The following UBFD1 variants were observed in gnomAD, a reference collection of about 807,000 sequenced individuals.
UBFD1 encodes ubiquitin domain-containing protein UBFD1.
A neutral mutation model predicts 35.1 loss-of-function variants in UBFD1; 12 were observed. The observed-to-expected ratio is 0.34, with a 90% CI of 0.22 to 0.55. The LOEUF (loss-of-function observed/expected upper bound fraction) is 0.55, where lower values mean the gene tolerates loss of function less well. UBFD1 is among the 20% of genes least tolerant of loss of function. The probability of loss-of-function intolerance (pLI) is 0.89; values close to 1 mark genes in which losing one functional copy is unlikely to be tolerated. For missense variants in UBFD1, 337 were observed against 410.8 expected (o/e 0.82, Z 1.55); for synonymous variants, 178 against 167.6 (o/e 1.06, Z -0.48).
chr16:23,561,908 C>A (rs999077892), intron 3 of UBFD1: 8 of 283,358 alleles, frequency 2.8e-5, no homozygotes, highest in African/African-American at 1.8e-4. Flanking sequence ...GGTAGCTATC[C>A]ACATGTGGCT....
chr16:23,563,762 C>T (rs980286664), intron 5 of UBFD1, among the ~76,000 whole-genome samples: 4 of 152,204 alleles, frequency 2.6e-5, no homozygotes, highest in Non-Finnish European at 4.4e-5. Flanking sequence ...CTGTGGTCCC[C>T]TGTGTATTTT....
chr16:23,558,413 G>A, intron 2 of UBFD1, 134 bp downstream of exon 2: 1 of 1,139,396 alleles, frequency 8.8e-7, no homozygotes, highest in Non-Finnish European at 1.2e-6. Context: ...AGGATACTTG[G>A]ATGCCCATTA....
chr16:23,558,450 T>G (rs916879551), intron 2 of UBFD1, among the ~76,000 whole-genome samples, 171 bp downstream of exon 2: 1 of 152,196 alleles, frequency 6.6e-6, no homozygotes, highest in Non-Finnish European at 1.5e-5. Flanking sequence ...GACTCAAGTT[T>G]ATAGAGCTAG....
intron 5 of UBFD1, among the ~76,000 whole-genome samples, chr16:23,562,974 T>G (rs1022814837): frequency 6.6e-6 from 1 of 152,224 alleles, no homozygotes; most frequent in Non-Finnish European, 1.5e-5. Flanking sequence ...GCACACAGAT[T>G]TGGGGGTCCC....
chr16:23,568,957 C>T (rs1363482934), intron 6 of UBFD1: 1 of 152,106 alleles, frequency 6.6e-6, no homozygotes, highest in African/African-American at 2.4e-5. Context: ...ACTTTTCAAG[C>T]AGTGTGGTGG....
intron 6 of UBFD1, among the ~76,000 whole-genome samples, chr16:23,570,136 T>G (rs1231426152): frequency 2.0e-5 from 3 of 152,282 alleles, no homozygotes; most frequent in Admixed American, 2.0e-4. Context: ...ATCAGTAGTG[T>G]TGCATCACCT....
At position 23,559,447 on chromosome 16, in the gene UBFD1, C is replaced by T. The variant is rs778356148; in HGVS notation, c.356-21C>T. 13 of 1,606,188 alleles carry T rather than the reference C, an allele frequency of 8.1e-6. No homozygotes were observed. In the East Asian group the frequency reaches 1.8e-4, roughly 22 times the overall value. ...TCTGTCCTTCCTTCCTTTCACTGTCCACCTTCTACCTTTTCCCAAGGTCTC... is the reference window on the plus strand; with the variant it reads ...TCTGTCCTTCCTTCCTTTCACTGTCTACCTTCTACCTTTTCCCAAGGTCTC... On this transcript the variant is annotated intron_variant, in intron 2 of 6. Coordinates refer to ENST00000395878, the MANE Select transcript of UBFD1 (RefSeq NM_019116.3).
intron 3 of UBFD1, among the ~76,000 whole-genome samples, chr16:23,561,059 T>A (rs769772097): frequency 6.6e-6 from 1 of 152,244 alleles, no homozygotes; most frequent in Non-Finnish European, 1.5e-5. Flanking sequence ...GGAAATCTTG[T>A]TCAAAAGGTA....
chr16:23,560,507 T>A (rs1211432490), intron 3 of UBFD1, among the ~76,000 whole-genome samples: 1 of 152,190 alleles, frequency 6.6e-6, no homozygotes, highest in African/African-American at 2.4e-5. Context: ...CCATAGACAC[T>A]AAGATATATG....
In UBFD1 at chr16:23,573,806, C is replaced by G. The variant is rs1277172262; in HGVS notation, c.*3216C>G. ...GCCATTCTGGGCTCTTGCACTTGCC[C>G]AGCCTTTCTTTGCCAGGGGCAGAGA... On this transcript the variant is annotated 3_prime_UTR_variant, in exon 7 of 7. Transcript: ENST00000395878. 1 of 152,650 alleles carries G rather than the reference C, an allele frequency of 6.6e-6. No individual in the cohort carries two copies. The highest frequency in any genetic ancestry group is 1.5e-5 in the Non-Finnish European group (1 of 68,066). The allele number at this position is 152,650 out of a possible 1,614,324, so 9.5% of individuals were successfully genotyped here. A position where few individuals can be genotyped will look rare whatever the true frequency, so the allele number is the denominator to read the frequency against.
At chr16:23,566,731 T>G (rs1966016656) in intron 5 of UBFD1, 3 of 377,192 alleles carry the variant, frequency 8.0e-6, no homozygotes, top group Non-Finnish European at 1.4e-5. Context: ...AAGATACAAT[T>G]CTGCCCTCAG....
At chr16:23,559,780 G>A in intron 3 of UBFD1, 104 bp downstream of exon 3, 3 of 1,557,708 alleles carry the variant, frequency 1.9e-6, no homozygotes, top group South Asian at 2.3e-5. Context: ...TTTGGACAGG[G>A]CCCATGATGG....
intron 2 of UBFD1, among the ~76,000 whole-genome samples, chr16:23,558,749 C>T (rs1025892863): frequency 2.0e-5 from 3 of 151,750 alleles, no homozygotes; most frequent in Admixed American, 6.6e-5. Context: ...TTGTTCATAG[C>T]TCTTTGCCAT....
Position 23,558,159 on chromosome 16 carries a change from G to C in UBFD1, c.235G>C (p.Gly79Arg), listed in dbSNP as rs1269530917. Residue 79 changes from glycine to arginine, a missense_variant, in exon 2 of 7, where the codon GGC (glycine) becomes CGC (arginine). Gly to Arg is a moderately radical substitution (Grantham distance 125). Coordinates refer to ENST00000395878, the MANE Select transcript of UBFD1 (RefSeq NM_019116.3). The stretch of plus-strand genomic sequence containing the variant: ...GGTCAGCAACGGCGAAGACGCGGGC[G>C]GCGGCGCGGGCAGGGAGCTGGTGGA... Reference protein sequence around the residue: ...ASVSNGEDAGGGAGRELVDLK... With the variant: ...ASVSNGEDAGRGAGRELVDLK... 1.2e-6 allele frequency: 2 copies of C among 1,605,118 alleles called. No individual in the cohort carries two copies. Among genetic ancestry groups the C allele is most frequent in the Middle Eastern group, 3.3e-4 (2 of 6,038 alleles).
chr16:23,557,822 C>T (rs1266380724), intron 1 of UBFD1, 55 bp downstream of exon 1: 4 of 1,281,282 alleles, frequency 3.1e-6, no homozygotes, highest in East Asian at 3.1e-5. Flanking sequence ...GCGGTCGCTC[C>T]TCTGGGGGAT....
At position 23,573,951 on chromosome 16, in the gene UBFD1, G is replaced by A; in HGVS notation, c.*3361G>A. On this transcript the variant is annotated 3_prime_UTR_variant, in exon 7 of 7. Transcript: ENST00000395878. ...GCCTCTGTTCACACCTGTTGTCTTG[G>A]AAGAGGATGGTCCCTTTGTCTTAAG... The A allele has an allele frequency of 6.6e-6, 1 of 152,264 alleles. No individual in the cohort carries two copies. Among genetic ancestry groups the A allele is most frequent in the Non-Finnish European group, 1.5e-5 (1 of 68,064 alleles). The allele number at this position is 152,264 out of a possible 1,614,324, so 9.4% of individuals were successfully genotyped here. A position where few individuals can be genotyped will look rare whatever the true frequency, so the allele number is the denominator to read the frequency against.
chr16:23,568,943 C>T (rs1966048370), intron 6 of UBFD1: 1 of 152,120 alleles, frequency 6.6e-6, no homozygotes, highest in South Asian at 2.1e-4. Flanking sequence ...GGGTTTGTAG[C>T]CTGACTTTTC....
intron 6 of UBFD1, among the ~76,000 whole-genome samples, chr16:23,567,597 G>A (rs1966029203): frequency 6.6e-6 from 1 of 152,216 alleles, no homozygotes; most frequent in South Asian, 2.1e-4. Flanking sequence ...CAGAGAGCAG[G>A]CTACTCTTTC....
At chr16:23,565,008 A>G (rs542032476) in intron 5 of UBFD1, 1 of 152,310 alleles carries the variant, frequency 6.6e-6, no homozygotes, top group East Asian at 1.9e-4. Flanking sequence ...TCTAGGGTTG[A>G]ACAAGGTTAA....
Sources: gnomAD v4.1 joint callset for allele counts (sites outside exome capture counted in the v4.1 genomes callset) on GRCh38, gnomAD v4.1.1 for gene constraint, MANE v1.5 for transcripts, NCBI Gene and HGNC (gene_info 2026-07-23, HGNC 2026-07-21) for gene names.